Variants in GLB1L3 observed in about 807,000 individuals in gnomAD.
GLB1L3 encodes beta-galactosidase-1-like protein 3.
Under a neutral mutation model 89.5 loss-of-function variants are expected in GLB1L3, and 89 were observed. The ratio of observed to expected loss-of-function variants is 0.99; its 90% CI spans 0.84 to 1.19. The LOEUF (loss-of-function observed/expected upper bound fraction) is 1.19, where lower values mean the gene tolerates loss of function less well. GLB1L3 is among the 50% of genes most tolerant of loss of function. The pLI, the probability that GLB1L3 is intolerant of heterozygous loss-of-function variation, is 0.00. For synonymous variants in GLB1L3, 314 were observed against 312.3 expected, an observed-to-expected ratio of 1.01 and a Z score of -0.06; for missense variants, 812 against 813.3, an observed-to-expected ratio of 1.00 and a Z score of 0.02.
At chr11:134,281,340 G>A (rs1940673151) in intron 3 of GLB1L3, 37 bp from the exon 4 acceptor site, 2 of 1,612,308 alleles carry the variant, frequency 1.2e-6, no homozygotes, top group African/African-American at 2.7e-5. Context: ...GAAGAAATAA[G>A]AAGATACTCA....
At position 134,283,712 on chromosome 11, in the gene GLB1L3, C is replaced by G. The variant is rs764936397; in HGVS notation, c.528-25C>G. 14 of 1,445,874 alleles carry G rather than the reference C, an allele frequency of 9.7e-6. 1 individual carries two copies. In the Admixed American group the frequency reaches 2.2e-4, roughly 23 times the overall value. 89.6% of individuals were successfully genotyped at this position (1,445,874 alleles called of 1,614,324 possible). The stretch of plus-strand genomic sequence containing the variant: ...TCCCTCTCCCAACCCGTCTCAGACC[C>G]TGAGCCCGCCCCTCTTGCCCCCAGC... On this transcript the variant is annotated intron_variant, in intron 5 of 19. Coordinates refer to ENST00000431683, the MANE Select transcript of GLB1L3 (RefSeq NM_001080407.3).
At chr11:134,277,254 C>T (rs1328572976) in intron 1 of GLB1L3, 72 bp from the exon 2 acceptor site, 6 of 1,604,266 alleles carry the variant, frequency 3.7e-6, no homozygotes, top group Non-Finnish European at 5.1e-6. Flanking sequence ...GCCCCCGGCA[C>T]AGCTTCCCGG....
rs770538063 is a variant in GLB1L3, at chr11:134,314,304, C to T, written c.1668-26C>T. 6.1e-6 allele frequency: 9 copies of T among 1,479,946 alleles called. No individual in the cohort carries two copies. In the South Asian group the frequency reaches 7.5e-5, roughly 12 times the overall value. 91.7% of individuals were successfully genotyped at this position (1,479,946 alleles called of 1,614,324 possible). ...CTGGGTTGGGAAGGGGACTTCTTCT[C>T]CCCCATGGCTTGGCCTTTCTTCCAG... On this transcript the variant is annotated intron_variant, in intron 17 of 19. Coordinates refer to ENST00000431683, the MANE Select transcript of GLB1L3 (RefSeq NM_001080407.3).
chr11:134,286,164 C>T (rs1259582733), intron 6 of GLB1L3, among the ~76,000 whole-genome samples: 1 of 151,994 alleles, frequency 6.6e-6, no homozygotes, highest in African/African-American at 2.4e-5. Context: ...CTGCCTCGGC[C>T]TCCCAAAGGG....
intron 6 of GLB1L3, among the ~76,000 whole-genome samples, chr11:134,288,059 G>A (rs1436752802): frequency 1.3e-5 from 2 of 152,200 alleles, no homozygotes; most frequent in East Asian, 1.9e-4. Context: ...AGAAGGAAAT[G>A]CATCAGACTG....
intron 7 of GLB1L3, chr11:134,289,118 C>T (rs1352706427): frequency 7.0e-6 from 3 of 431,332 alleles, no homozygotes; most frequent in South Asian, 4.1e-5. Flanking sequence ...TGACTGGAAG[C>T]CTTACCAATA....
intron 3 of GLB1L3, among the ~76,000 whole-genome samples, chr11:134,278,462 TG>T (rs1356480453): frequency 2.0e-5 from 3 of 152,014 alleles, no homozygotes; most frequent in African/African-American, 7.3e-5. Flanking sequence ...TTTTTTGAAT[TG>T]TTTGTAGAGA....
downstream of GLB1L3, among the ~76,000 whole-genome samples, chr11:134,322,619 T>C (rs1021276578): frequency 6.6e-6 from 1 of 152,250 alleles, no homozygotes; most frequent in African/African-American, 2.4e-5. Context: ...ATTTACTTTC[T>C]GTCTCTGTGG....
chr11:134,307,738 G>A (rs536158834), intron 10 of GLB1L3, among the ~76,000 whole-genome samples: 77 of 152,286 alleles, frequency 5.1e-4, no homozygotes, highest in South Asian at 3.7e-3. Context: ...GCTCTGCAGC[G>A]CTAGCCATGC....
chr11:134,308,341 T>C (rs901742037), intron 10 of GLB1L3, among the ~76,000 whole-genome samples: 6 of 23,700 alleles, frequency 2.5e-4, no homozygotes, highest in Admixed American at 4.6e-4. Context: ...ACCATCACCA[T>C]CATCACCATC....
chr11:134,285,485 G>C (rs1436795080), intron 6 of GLB1L3, among the ~76,000 whole-genome samples: 1 of 151,964 alleles, frequency 6.6e-6, no homozygotes, highest in African/African-American at 2.4e-5. Context: ...GCTCGAGATG[G>C]GATAAAAATC....
intron 6 of GLB1L3, among the ~76,000 whole-genome samples, chr11:134,284,499 A>AG (rs893995212): frequency 4.6e-5 from 7 of 152,212 alleles, no homozygotes; most frequent in Admixed American, 2.0e-4. Flanking sequence ...AGGCCGAGGC[A>AG]GGGGGGTCAC....
At chr11:134,311,337 G>A (rs1942725373) in intron 13 of GLB1L3, 167 bp downstream of exon 13, 6 of 640,268 alleles carry the variant, frequency 9.4e-6, no homozygotes, top group Non-Finnish European at 1.4e-5. Flanking sequence ...GGACTGTGAA[G>A]GGGTTTGACC....
chr11:134,310,051 G>A (rs1214119904), intron 11 of GLB1L3: 1 of 474,760 alleles, frequency 2.1e-6, no homozygotes, highest in Non-Finnish European at 3.8e-6. Flanking sequence ...AACGGTGACT[G>A]CTGTAAAGGC....
downstream of GLB1L3, among the ~76,000 whole-genome samples, chr11:134,321,228 T>C (rs1943163763): frequency 6.6e-6 from 1 of 152,214 alleles, no homozygotes; most frequent in Non-Finnish European, 1.5e-5. Flanking sequence ...CTAAGATTTC[T>C]GTAATTCTCA....
At chr11:134,311,696 A>G (rs1325608252) in intron 13 of GLB1L3, 1 of 152,966 alleles carries the variant, frequency 6.5e-6, no homozygotes, top group African/African-American at 2.4e-5. Context: ...CACTAAAGAA[A>G]CTACATTTAT....
chr11:134,309,900 A>G, intron 11 of GLB1L3, 137 bp downstream of exon 11: 3 of 953,344 alleles, frequency 3.1e-6, no homozygotes, highest in Non-Finnish European at 4.6e-6. Flanking sequence ...TTTCCTATCT[A>G]CTTTCCTTCC....
rs1940840207 is a variant in GLB1L3, at chr11:134,283,831, G to A, written c.622G>A (p.Val208Met). Reference protein sequence around the residue: ...EKYFDHLIPRVIPLQYRQAGP... With the variant: ...EKYFDHLIPRMIPLQYRQAGP... ...GTATTTTGACCACCTGATTCCCAGA[G>A]TGATTCCTCTCCAGGTAAAGCCAAA... Residue 208 changes from valine (V) to methionine (M), a missense_variant, in exon 6 of 20, where the codon GTG (valine) becomes ATG (methionine). Physicochemically the swap from Val to Met is conservative, Grantham distance 21 (BLOSUM62 1). Around this residue, in one of 3 missense-constraint regions of GLB1L3, gnomAD observed 618 missense variants for 604.0 expected, o/e 1.02. Coordinates refer to ENST00000431683, the MANE Select transcript of GLB1L3 (RefSeq NM_001080407.3). The A allele has an allele frequency of 6.2e-7, 1 of 1,605,282 alleles. No individual in the cohort carries two copies. The highest frequency in any genetic ancestry group is 8.5e-7 in the Non-Finnish European group (1 of 1,172,864).
In GLB1L3 at chr11:134,309,249, G is replaced by A. The variant is rs777484079; in HGVS notation, c.962-377G>A. 1.0e-3 allele frequency among the ~76,000 whole-genome samples: 158 copies of A among 152,114 alleles called. 2 individuals carry two copies. Among genetic ancestry groups the A allele is most frequent in the Non-Finnish European group, 3.8e-4 (26 of 68,022 alleles). The stretch of plus-strand genomic sequence containing the variant: ...AAATCTCTTGGGATTGACAAGATTC[G>A]GTGTCCTAGAGTAGTTCTGGCCAAT... On this transcript the variant is annotated intron_variant, in intron 10 of 19. Transcript: ENST00000431683.
Sources: allele counts gnomAD v4.1 joint callset (sites outside exome capture counted in the v4.1 genomes callset), GRCh38; gene constraint gnomAD v4.1.1; regional missense constraint gnomAD v4.1.1; transcripts MANE v1.5; gene names NCBI Gene and HGNC (gene_info 2026-07-23, HGNC 2026-07-21).